The following DDAH1 variants were observed in gnomAD, a reference collection of about 807,000 sequenced individuals.
The protein encoded by DDAH1 is dimethylarginine dimethylaminohydrolase 1, also known as N(G),N(G)-dimethylarginine dimethylaminohydrolase 1.
A neutral mutation model predicts 28.8 loss-of-function variants in DDAH1; 19 were observed. That is an observed-to-expected ratio of 0.66 (90% CI 0.46 to 0.97). DDAH1 has a LOEUF of 0.97. DDAH1 is among the 50% of genes least tolerant of loss of function. DDAH1 has a pLI of 0.00. For synonymous variants in DDAH1, 153 were observed against 154.4 expected (o/e 0.99, Z 0.07); for missense variants, 326 against 375.9 (o/e 0.87, Z 1.10).
At chr1:85,507,527 T>TAAATAAATAAATAAACAAAC (rs71075841) in intron 1 of DDAH1, among the ~76,000 whole-genome samples, 16,709 of 149,020 alleles carry the variant, frequency 0.11, 1,131 homozygotes, top group Admixed American at 0.15. Context: ...AATAAATAAA[T>TAAATAAATAAATAAACAAAC]AAACAAACAA....
At chr1:85,398,685 C>T (rs1651928858) in intron 1 of DDAH1, 1 of 152,168 alleles carries the variant, frequency 6.6e-6, no homozygotes, top group Admixed American at 6.5e-5. Flanking sequence ...ATGCCGTGGA[C>T]AGCTTTTCCC....
At chr1:85,353,891 C>T (rs2100848651) in intron 2 of DDAH1, among the ~76,000 whole-genome samples, 1 of 151,994 alleles carries the variant, frequency 6.6e-6, no homozygotes, top group Non-Finnish European at 1.5e-5. Flanking sequence ...GCATGCATAC[C>T]ATTTCCATTT....
chr1:85,481,098 G>GTTTTTTTT (rs71075839), intron 2 of DDAH1, among the ~76,000 whole-genome samples: 28 of 113,462 alleles, frequency 2.5e-4, no homozygotes, highest in East Asian at 4.9e-4. Context: ...TGGGTTTTTT[G>GTTTTTTTT]TTTTTTTTTT....
chr1:85,489,477 G>C (rs1656312938), intron 2 of DDAH1, among the ~76,000 whole-genome samples: 1 of 152,180 alleles, frequency 6.6e-6, no homozygotes, highest in Non-Finnish European at 1.5e-5. Flanking sequence ...AGTGGGGTAA[G>C]AGTTTATTTT....
intron 1 of DDAH1, among the ~76,000 whole-genome samples, chr1:85,461,105 C>A (rs1263056317): frequency 2.0e-5 from 3 of 152,006 alleles, no homozygotes; most frequent in Non-Finnish European, 4.4e-5. Context: ...CAGAGTGAGA[C>A]CCTGTCTCTA....
At chr1:85,524,530 C>A (rs1207951114) in intron 1 of DDAH1, among the ~76,000 whole-genome samples, 1 of 151,776 alleles carries the variant, frequency 6.6e-6, no homozygotes, top group Non-Finnish European at 1.5e-5. Flanking sequence ...ACTCATCTGG[C>A]TACAAAACAG....
chr1:85,517,934 G>A (rs991455843), intron 1 of DDAH1, among the ~76,000 whole-genome samples: 8 of 152,150 alleles, frequency 5.3e-5, no homozygotes, highest in African/African-American at 1.7e-4. Flanking sequence ...TTCAACAGCT[G>A]GGTTCCAGGG....
At chr1:85,509,570 C>T (rs1657150679) in intron 1 of DDAH1, among the ~76,000 whole-genome samples, 1 of 152,096 alleles carries the variant, frequency 6.6e-6, no homozygotes, top group African/African-American at 2.4e-5. Flanking sequence ...AAACCCATCA[C>T]AAGGAAGCTA....
chr1:85,573,980 T>C (rs796785454), intron 1 of DDAH1, among the ~76,000 whole-genome samples: 20 of 152,346 alleles, frequency 1.3e-4, no homozygotes, highest in African/African-American at 4.3e-4. Context: ...CCACAGACAT[T>C]GTCTTCTTGG....
chr1:85,561,500 T>C (rs1485258852), intron 1 of DDAH1, among the ~76,000 whole-genome samples: 1 of 152,062 alleles, frequency 6.6e-6, no homozygotes, highest in Non-Finnish European at 1.5e-5. Flanking sequence ...GCCACAGACA[T>C]GATGCTAAAT....
At chr1:85,352,787 T>C (rs575794493) in intron 2 of DDAH1, among the ~76,000 whole-genome samples, 1 of 152,330 alleles carries the variant, frequency 6.6e-6, no homozygotes, top group Admixed American at 6.5e-5. Context: ...TATTAGCCTA[T>C]GGTAAAAATG....
chr1:85,415,621 T>G (rs1652856498), intron 1 of DDAH1, among the ~76,000 whole-genome samples: 2 of 152,154 alleles, frequency 1.3e-5, no homozygotes, highest in African/African-American at 4.8e-5. Context: ...ATAAAAAGTA[T>G]GATTCTATTT....
At chr1:85,443,438 T>C (rs1654290613) in intron 1 of DDAH1, among the ~76,000 whole-genome samples, 1 of 152,178 alleles carries the variant, frequency 6.6e-6, no homozygotes, top group South Asian at 2.1e-4. Flanking sequence ...AGCCTTGTAG[T>C]ATAGTTTGAA....
intron 1 of DDAH1, among the ~76,000 whole-genome samples, chr1:85,387,514 C>T (rs1384223465): frequency 1.3e-5 from 2 of 152,184 alleles, no homozygotes; most frequent in African/African-American, 4.8e-5. Flanking sequence ...TGCTCCAGTT[C>T]CCACTAAGTT....
chr1:85,449,584 G>A (rs1157766669), intron 1 of DDAH1, among the ~76,000 whole-genome samples: 1 of 152,030 alleles, frequency 6.6e-6, no homozygotes, highest in African/African-American at 2.4e-5. Context: ...AGAGAATGAT[G>A]GATTTAAAGT....
chr1:85,472,965 G>A (rs1416771833), intron 2 of DDAH1, among the ~76,000 whole-genome samples: 1 of 152,172 alleles, frequency 6.6e-6, no homozygotes, highest in Non-Finnish European at 1.5e-5. Flanking sequence ...AGTGAGAACA[G>A]TATTGCAGTA....
chr1:85,419,789 A>T (rs575153402), intron 1 of DDAH1, among the ~76,000 whole-genome samples: 1 of 152,082 alleles, frequency 6.6e-6, no homozygotes, highest in Non-Finnish European at 1.5e-5. Context: ...TTGAATCCTC[A>T]TGCCTCCCTA....
At chr1:85,344,919 G>GT in intron 4 of DDAH1, among the ~76,000 whole-genome samples, 1 of 152,216 alleles carries the variant, frequency 6.6e-6, no homozygotes, top group Non-Finnish European at 1.5e-5. Context: ...ATGTAGAATG[G>GT]TAAAGCAGGG....
intron 1 of DDAH1, among the ~76,000 whole-genome samples, chr1:85,438,142 T>C (rs1471830056): frequency 1.3e-5 from 2 of 152,142 alleles, no homozygotes; most frequent in Non-Finnish European, 2.9e-5. Flanking sequence ...TGCACAGGGA[T>C]GCAAAAAGGG....
Sources: gnomAD v4.1 joint callset for allele counts (sites outside exome capture counted in the v4.1 genomes callset) on GRCh38, gnomAD v4.1.1 for gene constraint, MANE v1.5 for transcripts, NCBI Gene and HGNC (gene_info 2026-07-23, HGNC 2026-07-21) for gene names.